Variants in MCTP1 observed in about 807,000 individuals in gnomAD.
MCTP1 encodes multiple C2 and transmembrane domain containing 1.
MCTP1 carries 69 observed loss-of-function variants against 120.6 expected under a neutral mutation model. The ratio of observed to expected loss-of-function variants is 0.57; its 90% CI spans 0.47 to 0.70. MCTP1 has a LOEUF of 0.70. Ranked by LOEUF, MCTP1 falls within the 30% of genes least tolerant of loss-of-function variation. The pLI is 0.00. For synonymous variants in MCTP1, 529 were observed against 493.1 expected, an observed-to-expected ratio of 1.07 and a Z score of -0.96; for missense variants, 1,203 against 1,248.8, an observed-to-expected ratio of 0.96 and a Z score of 0.55.
At chr5:95,114,323 T>C (rs988791907) in intron 1 of MCTP1, among the ~76,000 whole-genome samples, 2 of 152,238 alleles carry the variant, frequency 1.3e-5, no homozygotes, top group Admixed American at 6.5e-5. Flanking sequence ...TTCAGCCACA[T>C]AGAAACAGAG....
At chr5:95,254,825 C>T (rs1414314599) in intron 1 of MCTP1, among the ~76,000 whole-genome samples, 1 of 152,056 alleles carries the variant, frequency 6.6e-6, no homozygotes, top group African/African-American at 2.4e-5. Flanking sequence ...TTGGCCAAGA[C>T]AATTAGATTC....
At chr5:94,956,033 G>T (rs1168277683) in intron 2 of MCTP1, among the ~76,000 whole-genome samples, 1 of 152,188 alleles carries the variant, frequency 6.6e-6, no homozygotes, top group Non-Finnish European at 1.5e-5. Context: ...CTGGTATCTG[G>T]TGGGTGCCCC....
rs186200291 is a variant in MCTP1 at position 95,186,709 on chromosome 5, A to G, written c.720+97147T>C. On this transcript the variant is annotated intron_variant, in intron 1 of 22. Transcript: ENST00000515393. ...AGCTAAAAGAAAGTTGATAAAGAAG[A>G]ATAAAGTAGGTACAGAAATCACTCT... Among the ~76,000 whole-genome samples the G allele has an allele frequency of 2.6e-5, 4 of 152,306 alleles. No homozygotes were observed. In the East Asian group the frequency reaches 5.8e-4, roughly 22 times the overall value.
intron 1 of MCTP1, among the ~76,000 whole-genome samples, chr5:95,188,291 C>T (rs1271125316): frequency 1.3e-5 from 2 of 152,098 alleles, no homozygotes; most frequent in Non-Finnish European, 1.5e-5. Flanking sequence ...GTTGGCTCAC[C>T]GGTGCAATGA....
intron 1 of MCTP1, among the ~76,000 whole-genome samples, chr5:95,147,433 A>G (rs1242919446): frequency 6.6e-6 from 1 of 152,182 alleles, no homozygotes; most frequent in Non-Finnish European, 1.5e-5. Flanking sequence ...TGTTGAGTTG[A>G]ACCCTTTGCC....
chr5:94,786,673 G>A (rs988764396), intron 18 of MCTP1, among the ~76,000 whole-genome samples: 5 of 152,146 alleles, frequency 3.3e-5, no homozygotes, highest in Admixed American at 2.6e-4. Context: ...GTAGTGTACT[G>A]TGTGATTGCT....
At chr5:94,920,467 G>T (rs186708150) in intron 7 of MCTP1, among the ~76,000 whole-genome samples, 1 of 152,218 alleles carries the variant, frequency 6.6e-6, no homozygotes, top group Non-Finnish European at 1.5e-5. Flanking sequence ...ACTCGGCAGG[G>T]CGCGGTGGCT....
rs148247750 is a variant in MCTP1 at position 94,761,307 on chromosome 5, C to T, written c.2610+17803G>A. On this transcript the variant is annotated intron_variant, in intron 19 of 22. Coordinates refer to ENST00000515393, the MANE Select transcript of MCTP1 (RefSeq NM_024717.7). ...TTTCCTACAGGATTCTTTGCAACTC[C>T]TTCCTGCTTCCCAGCTAGCTTTGAG... 1.6e-3 allele frequency among the ~76,000 whole-genome samples: 237 copies of T among 152,286 alleles called. 1 individual carries two copies. The highest frequency in any genetic ancestry group is 5.2e-3 in the African/African-American group (215 of 41,552).
chr5:95,170,743 TTTTG>T (rs1211144661), intron 1 of MCTP1, among the ~76,000 whole-genome samples: 1 of 152,238 alleles, frequency 6.6e-6, no homozygotes, highest in Non-Finnish European at 1.5e-5. Context: ...CCCTGCCTTT[TTTTG>T]TTTTCTATTT....
intron 3 of MCTP1, among the ~76,000 whole-genome samples, chr5:94,951,621 C>A (rs933738603): frequency 6.6e-6 from 1 of 152,134 alleles, no homozygotes; most frequent in Non-Finnish European, 1.5e-5. Flanking sequence ...CACCTCCCCA[C>A]CCCAGAAATA....
chr5:95,058,138 T>G (rs1383468186), intron 1 of MCTP1, among the ~76,000 whole-genome samples: 2 of 152,230 alleles, frequency 1.3e-5, no homozygotes, highest in Admixed American at 1.3e-4. Context: ...AAATAGCTGA[T>G]GCTTCGGCTC....
At chr5:94,726,428 CAG>C (rs1050284855) in intron 19 of MCTP1, among the ~76,000 whole-genome samples, 16 of 152,174 alleles carry the variant, frequency 1.1e-4, no homozygotes, top group Non-Finnish European at 1.8e-4. Context: ...GAATCAGCGC[CAG>C]AGTTATTTAA....
chr5:94,720,647 G>A (rs1035775744), intron 19 of MCTP1, among the ~76,000 whole-genome samples: 1 of 152,154 alleles, frequency 6.6e-6, no homozygotes, highest in Non-Finnish European at 1.5e-5. Context: ...AGTAATGGAA[G>A]TTTATCTTCT....
chr5:95,201,808 A>T (rs1562232741), intron 1 of MCTP1, among the ~76,000 whole-genome samples: 1 of 151,936 alleles, frequency 6.6e-6, no homozygotes, highest in Non-Finnish European at 1.5e-5. Context: ...CCTGGCCAAA[A>T]AAGTTTTTTC....
rs771858091 is a variant in MCTP1 at position 94,923,947 on chromosome 5, G to A, written c.1272+15C>T. On this transcript the variant is annotated intron_variant, in intron 7 of 22. Transcript: ENST00000515393. ...CAAAAATCAAGAATATTAACAAAAA[G>A]GATTTAGACATTACCCTCCAAAAGA... The A allele has an allele frequency of 1.1e-5, 16 of 1,483,372 alleles. 1 individual carries two copies. Among genetic ancestry groups the A allele is most frequent in the Non-Finnish European group, 1.4e-5 (16 of 1,106,878 alleles). The allele number at this position is 1,483,372 out of a possible 1,614,324, so 91.9% of individuals were successfully genotyped here.
intron 17 of MCTP1, among the ~76,000 whole-genome samples, chr5:94,851,194 A>G (rs1793630819): frequency 1.3e-5 from 2 of 152,096 alleles, no homozygotes; most frequent in Non-Finnish European, 1.5e-5. Flanking sequence ...GATCTTTAAA[A>G]CTATAAGGCA....
In MCTP1 at chr5:95,107,691, C is replaced by T. The variant is rs543530607; in HGVS notation, c.721-90207G>A. On this transcript the variant is annotated intron_variant, in intron 1 of 22. Transcript: ENST00000515393. ...ACAAATATTAATCTATAAAGTTCTA[C>T]GAATTCTAAAAGTATTCCTTTCTTT... Among the ~76,000 whole-genome samples, 24 of 152,266 alleles carry T rather than the reference C, an allele frequency of 1.6e-4. 1 individual carries two copies. In the South Asian group the frequency reaches 2.1e-3, roughly 13 times the overall value.
At chr5:95,248,354 T>C (rs1757030797) in intron 1 of MCTP1, among the ~76,000 whole-genome samples, 1 of 152,108 alleles carries the variant, frequency 6.6e-6, no homozygotes, top group African/African-American at 2.4e-5. Context: ...TGTGCAAAAA[T>C]CACAAGCATT....
At chr5:95,137,544 C>T (rs1004269630) in intron 1 of MCTP1, among the ~76,000 whole-genome samples, 1 of 152,210 alleles carries the variant, frequency 6.6e-6, no homozygotes, top group African/African-American at 2.4e-5. Context: ...GAGTTGACAT[C>T]CTCTTATTTG....
Sources: allele counts gnomAD v4.1 joint callset (sites outside exome capture counted in the v4.1 genomes callset), GRCh38; gene constraint gnomAD v4.1.1; transcripts MANE v1.5; gene names NCBI Gene and HGNC (gene_info 2026-07-23, HGNC 2026-07-21).